The following DNAJC5B variants were observed in gnomAD, a reference collection of about 807,000 sequenced individuals.
The protein encoded by DNAJC5B is dnaJ homolog subfamily C member 5B.
In DNAJC5B, 23 loss-of-function variants were observed where a neutral mutation model predicts 24.7. The observed-to-expected ratio is 0.93, with a 90% CI of 0.67 to 1.32. The LOEUF is 1.32. Ranked by LOEUF, DNAJC5B falls within the 40% of genes most tolerant of loss-of-function variation. The probability of loss-of-function intolerance (pLI) is 0.00; values close to 1 mark genes in which losing one functional copy is unlikely to be tolerated. For missense variants in DNAJC5B, 238 were observed against 240.8 expected, an observed-to-expected ratio of 0.99 and a Z score of 0.08; for synonymous variants, 101 against 90.1, an observed-to-expected ratio of 1.12 and a Z score of -0.68.
chr8:66,082,817 A>C (rs747510924), intron 5 of DNAJC5B, among the ~76,000 whole-genome samples: 7 of 152,112 alleles, frequency 4.6e-5, no homozygotes, highest in Admixed American at 6.5e-5. Context: ...AAATCACAAC[A>C]AATTGCAAGG....
chr8:66,095,128 T>C (rs976965170), intron 5 of DNAJC5B, among the ~76,000 whole-genome samples: 1 of 152,106 alleles, frequency 6.6e-6, no homozygotes, highest in African/African-American at 2.4e-5. Flanking sequence ...AATTACGAAG[T>C]ATTCCTTTGT....
intron 3 of DNAJC5B, among the ~76,000 whole-genome samples, chr8:66,061,665 G>T (rs1285177585): frequency 6.6e-6 from 1 of 151,828 alleles, no homozygotes; most frequent in African/African-American, 2.4e-5. Context: ...TAGATTATGT[G>T]ACATTTAGAT....
chr8:66,070,714 T>G (rs917502168), intron 3 of DNAJC5B, among the ~76,000 whole-genome samples: 7 of 152,246 alleles, frequency 4.6e-5, no homozygotes, highest in Admixed American at 2.6e-4. Flanking sequence ...AAACTTCATA[T>G]GGAACCAAAA....
chr8:66,056,532 C>T (rs960470813), intron 3 of DNAJC5B: 1 of 152,176 alleles, frequency 6.6e-6, no homozygotes, highest in East Asian at 1.9e-4. Flanking sequence ...GTGTTGGGAG[C>T]CTCAGAAGCG....
At chr8:66,054,724 C>T (rs1017027970) in intron 3 of DNAJC5B, among the ~76,000 whole-genome samples, 1 of 152,120 alleles carries the variant, frequency 6.6e-6, no homozygotes, top group African/African-American at 2.4e-5. Flanking sequence ...TTATATTTCC[C>T]TTAAGGTGCT....
rs1211508278 is a variant in DNAJC5B, at chr8:66,100,362, A to G, written c.*331A>G. ...GATCTGATTCCTAACTGACCAAAGT[A>G]ATATTCCAGAACAAAAGCCACTTTT... On this transcript the variant is annotated 3_prime_UTR_variant, in exon 6 of 6. Coordinates refer to ENST00000276570, the MANE Select transcript of DNAJC5B (RefSeq NM_033105.6). The G allele has an allele frequency of 5.5e-6, 1 of 181,394 alleles. No individual in the cohort carries two copies. The highest frequency in any genetic ancestry group is 1.2e-5 in the Non-Finnish European group (1 of 86,836). 11.2% of individuals were successfully genotyped at this position (181,394 alleles called of 1,614,324 possible).
chr8:66,053,783 C>A (rs1353636009), intron 3 of DNAJC5B, among the ~76,000 whole-genome samples: 1 of 152,146 alleles, frequency 6.6e-6, no homozygotes, highest in Non-Finnish European at 1.5e-5. Context: ...GTGCCTGTCA[C>A]CATGCCCGGC....
intron 3 of DNAJC5B, among the ~76,000 whole-genome samples, chr8:66,052,640 G>A (rs1338382233): frequency 1.3e-5 from 2 of 152,152 alleles, no homozygotes; most frequent in African/African-American, 4.8e-5. Flanking sequence ...CCTACTCCAG[G>A]AGACTTTCTG....
chr8:66,090,335 G>A (rs946638882), intron 5 of DNAJC5B, among the ~76,000 whole-genome samples: 1 of 151,774 alleles, frequency 6.6e-6, no homozygotes, highest in African/African-American at 2.4e-5. Flanking sequence ...ATCGGAACCA[G>A]TTACCTCTGA....
At chr8:66,016,801 T>C (rs987824565), upstream of DNAJC5B, among the ~76,000 whole-genome samples, 1 of 152,170 alleles carries the variant, frequency 6.6e-6, no homozygotes. Context: ...CAGATTTCTA[T>C]CATGGGTGGA....
chr8:66,040,925 A>G (rs1437837083), intron 1 of DNAJC5B, among the ~76,000 whole-genome samples: 1 of 152,212 alleles, frequency 6.6e-6, no homozygotes, highest in African/African-American at 2.4e-5. Flanking sequence ...TTGTAAAATG[A>G]TAAAACATAA....
chr8:66,019,030 T>C (rs1476094879), upstream of DNAJC5B, among the ~76,000 whole-genome samples: 1 of 152,212 alleles, frequency 6.6e-6, no homozygotes, highest in Non-Finnish European at 1.5e-5. Context: ...CTGCCTCTGC[T>C]ACAGGTGTGC....
chr8:66,076,713 C>G lies in DNAJC5B; in HGVS notation c.173C>G (p.Thr58Ser). 6.2e-7 allele frequency: 1 copy of G among 1,614,150 alleles called. No individual in the cohort carries two copies. The highest frequency in any genetic ancestry group is 1.1e-5 in the South Asian group (1 of 91,076). The change falls in exon 4 of 6, where the codon ACT (threonine) becomes AGT (serine). Residue 58 changes from threonine to serine, a missense_variant. Thr to Ser is a moderately conservative substitution (Grantham distance 58). Transcript: ENST00000276570. ...PDKNPDDPAA[T>S]EKFKEINNAH... ...AAGAATCCAGATGATCCAGCTGCTA[C>G]TGAGAAGTTTAAAGAAATCAACAAC...
At chr8:66,083,965 C>T (rs192822761) in intron 5 of DNAJC5B, among the ~76,000 whole-genome samples, 6 of 152,140 alleles carry the variant, frequency 3.9e-5, no homozygotes, top group South Asian at 2.1e-4. Flanking sequence ...GTGAACACAT[C>T]GTTAGGGCCC....
At chr8:66,062,195 A>G (rs191836752) in intron 3 of DNAJC5B, among the ~76,000 whole-genome samples, 64 of 152,352 alleles carry the variant, frequency 4.2e-4, no homozygotes, top group Admixed American at 1.2e-3. Flanking sequence ...AAATGTCTGG[A>G]AAATGTCTGT....
intron 3 of DNAJC5B, among the ~76,000 whole-genome samples, chr8:66,058,845 C>T (rs113899454): frequency 0.016 from 2,394 of 152,274 alleles, 55 homozygotes; most frequent in African/African-American, 0.054. Flanking sequence ...CTGTGCCAAT[C>T]CATCAGGTAT....
chr8:66,076,582 G>T, intron 3 of DNAJC5B, 78 bp from the exon 4 acceptor site: 1 of 1,456,718 alleles, frequency 6.9e-7, no homozygotes, highest in Non-Finnish European at 9.6e-7. Flanking sequence ...ATATACAAAT[G>T]AACAGTGCCC....
intron 3 of DNAJC5B, among the ~76,000 whole-genome samples, chr8:66,073,967 C>T (rs576174589): frequency 6.6e-6 from 1 of 152,098 alleles, no homozygotes; most frequent in South Asian, 2.1e-4. Context: ...TTTGTGATTA[C>T]CAAGAGATAC....
chr8:66,069,017 AT>A lies in DNAJC5B; in HGVS notation c.120-7634del, dbSNP rs530954743. Among the ~76,000 whole-genome samples, 122 of 151,142 alleles carry A rather than the reference AT, an allele frequency of 8.1e-4. 1 individual carries two copies. Among genetic ancestry groups the A allele is most frequent in the African/African-American group, 1.6e-3 (66 of 41,312 alleles). ...CAAAATTTAGTTGAAATAAAGACAT[AT>A]TTTTTTTTAGAGAAAACTGTGAATT... On this transcript the variant is annotated intron_variant, in intron 3 of 5. Coordinates refer to ENST00000276570, the MANE Select transcript of DNAJC5B (RefSeq NM_033105.6).
Sources: gnomAD v4.1 joint callset for allele counts (sites outside exome capture counted in the v4.1 genomes callset) on GRCh38, gnomAD v4.1.1 for gene constraint, MANE v1.5 for transcripts, NCBI Gene and HGNC (gene_info 2026-07-23, HGNC 2026-07-21) for gene names.